The following MDGA2 variants were observed in gnomAD, a reference collection of about 807,000 sequenced individuals.
The protein encoded by MDGA2 is MAM domain-containing glycosylphosphatidylinositol anchor protein 2.
Under a neutral mutation model 117.8 loss-of-function variants are expected in MDGA2, and 40 were observed. The observed-to-expected ratio is 0.34, with a 90% CI of 0.26 to 0.44. The LOEUF (loss-of-function observed/expected upper bound fraction) is 0.44. Among genes scored for constraint, MDGA2 ranks in the 20% least tolerant of loss-of-function variants. The pLI is 1.00. For synonymous variants in MDGA2, 452 were observed against 439.0 expected, an observed-to-expected ratio of 1.03 and a Z score of -0.37; for missense variants, 1,123 against 1,250.6, an observed-to-expected ratio of 0.90 and a Z score of 1.54.
chr14:47,038,420 T>C (rs1334069290), intron 7 of MDGA2, among the ~76,000 whole-genome samples: 1 of 152,172 alleles, frequency 6.6e-6, no homozygotes, highest in African/African-American at 2.4e-5. Context: ...AATAGATTAT[T>C]GACTATAATT....
intron 2 of MDGA2, among the ~76,000 whole-genome samples, chr14:47,226,410 G>A (rs933058447): frequency 1.3e-5 from 2 of 151,888 alleles, no homozygotes; most frequent in East Asian, 1.9e-4. Context: ...ACACTAGATG[G>A]GCCTTAAAGC....
At chr14:47,330,614 T>C (rs1051383943) in intron 1 of MDGA2, among the ~76,000 whole-genome samples, 5 of 151,874 alleles carry the variant, frequency 3.3e-5, no homozygotes, top group Non-Finnish European at 7.4e-5. Context: ...GTATAACTTG[T>C]ATTCCCAAGT....
At chr14:46,930,409 C>T (rs999809795) in intron 9 of MDGA2, among the ~76,000 whole-genome samples, 1 of 151,622 alleles carries the variant, frequency 6.6e-6, no homozygotes, top group Non-Finnish European at 1.5e-5. Flanking sequence ...CTTTCATATA[C>T]CAACATCAGT....
intron 10 of MDGA2, among the ~76,000 whole-genome samples, chr14:46,904,527 T>A (rs1356954459): frequency 6.6e-6 from 1 of 152,202 alleles, no homozygotes; most frequent in African/African-American, 2.4e-5. Context: ...AGAGCTTTGA[T>A]AAGGCTAAGT....
At chr14:47,478,761 A>G (rs1210309906) in intron 1 of MDGA2, among the ~76,000 whole-genome samples, 1 of 152,198 alleles carries the variant, frequency 6.6e-6, no homozygotes, top group Non-Finnish European at 1.5e-5. Context: ...ACACATTGAG[A>G]AAAATCTCCT....
chr14:46,871,076 A>T (rs1199900845), intron 14 of MDGA2: 6 of 151,964 alleles, frequency 3.9e-5, no homozygotes, highest in African/African-American at 1.2e-4. Flanking sequence ...AAAAGGAAGA[A>T]TTAGAGTTGA....
At position 47,079,727 on chromosome 14, in the gene MDGA2, A is replaced by ATTTTTTTTTTTTTTTTTTTT. The variant is rs35801678; in HGVS notation, c.1195+17107_1195+17126dup. On this transcript the variant is annotated intron_variant, in intron 6 of 16. Coordinates refer to ENST00000399232, the MANE Select transcript of MDGA2 (RefSeq NM_001113498.3). ...ATTTGTTTCAGCCGATTTTCTACTAATTTTTTTTTTTTTTTTTTTTTTGAG... is the reference window on the plus strand; with the variant it reads ...ATTTGTTTCAGCCGATTTTCTACTAATTTTTTTTTTTTTTTTTTTTTTTTTTTTTTTTTTTTTTTTTTGAG... Among the ~76,000 whole-genome samples, 8 of 80,072 alleles carry ATTTTTTTTTTTTTTTTTTTT rather than the reference A, an allele frequency of 1.0e-4. 2 individuals carry two copies. The highest frequency in any genetic ancestry group is 1.5e-4 in the Non-Finnish European group (7 of 46,770). The allele number at this position is 80,072 out of a possible 152,430, so 52.5% of individuals were successfully genotyped here. A position where few individuals can be genotyped will look rare whatever the true frequency, so the allele number is the denominator to read the frequency against.
chr14:47,458,657 T>C (rs553246070), intron 1 of MDGA2, among the ~76,000 whole-genome samples: 1 of 152,246 alleles, frequency 6.6e-6, no homozygotes, highest in African/African-American at 2.4e-5. Context: ...ATCCTAAGTG[T>C]TGTCAGCACA....
At chr14:47,335,745 T>TATATATATATATATATATAC in intron 1 of MDGA2, among the ~76,000 whole-genome samples, 20 of 95,580 alleles carry the variant, frequency 2.1e-4, no homozygotes, top group South Asian at 1.5e-3. Flanking sequence ...TATATATATA[T>TATATATATATATATATATAC]ATACATACAT....
intron 1 of MDGA2, among the ~76,000 whole-genome samples, chr14:47,328,568 T>A (rs1890207448): frequency 6.6e-6 from 1 of 152,178 alleles, no homozygotes; most frequent in Non-Finnish European, 1.5e-5. Flanking sequence ...CAGCCTGTAC[T>A]CTTGGAACTA....
chr14:47,674,170 G>A (rs1898129743), intron 1 of MDGA2, among the ~76,000 whole-genome samples: 1 of 152,168 alleles, frequency 6.6e-6, no homozygotes, highest in Admixed American at 6.5e-5. Context: ...GGGAAACCGT[G>A]ACACCGACAC....
At chr14:47,311,571 T>C (rs1044192509) in intron 1 of MDGA2, among the ~76,000 whole-genome samples, 5 of 152,158 alleles carry the variant, frequency 3.3e-5, no homozygotes, top group Non-Finnish European at 7.3e-5. Context: ...TCTTTTCTCC[T>C]TCTACAAAAG....
intron 3 of MDGA2, among the ~76,000 whole-genome samples, chr14:47,177,326 A>C (rs1476854863): frequency 6.6e-6 from 1 of 152,222 alleles, no homozygotes; most frequent in Non-Finnish European, 1.5e-5. Context: ...ATTATAAATC[A>C]TGCTGCTATA....
intron 1 of MDGA2, among the ~76,000 whole-genome samples, chr14:47,538,382 C>T (rs1018590832): frequency 7.9e-5 from 12 of 152,192 alleles, no homozygotes; most frequent in South Asian, 2.1e-4. Context: ...TCTAAAAAGT[C>T]GACTTCATTA....
chr14:47,301,401 C>A lies in MDGA2; in HGVS notation c.420+10G>T. The A allele has an allele frequency of 6.4e-7, 1 of 1,551,342 alleles. No individual in the cohort carries two copies. The highest frequency in any genetic ancestry group is 1.4e-5 in the African/African-American group (1 of 73,086). ...GAATGTTTTCTCCAGTGTCACAGTT[C>A]GGGACTCACCTGTGGACGTGGATGT... On this transcript the variant is annotated intron_variant, in intron 2 of 16. Transcript: ENST00000399232.
chr14:47,273,073 C>G (rs1340951319), intron 2 of MDGA2, among the ~76,000 whole-genome samples: 1 of 152,086 alleles, frequency 6.6e-6, no homozygotes, highest in African/African-American at 2.4e-5. Flanking sequence ...CTTTTTAGTC[C>G]CTGATAAGCA....
At position 46,848,952 on chromosome 14, in the gene MDGA2, G is replaced by T. The variant is rs556707517; in HGVS notation, c.2884-3081C>A. 4.6e-5 allele frequency among the ~76,000 whole-genome samples: 7 copies of T among 151,998 alleles called. No individual in the cohort carries two copies. In the South Asian group the frequency reaches 1.2e-3, roughly 27 times the overall value. The stretch of plus-strand genomic sequence containing the variant: ...TTGGTGATACCGAATGAATGAAGTG[G>T]TACAGTAAAAAAAGTAGGCTGATTT... On this transcript the variant is annotated intron_variant, in intron 15 of 16. Transcript: ENST00000399232.
intron 3 of MDGA2, among the ~76,000 whole-genome samples, chr14:47,177,337 A>C (rs1181685365): frequency 6.6e-6 from 1 of 152,184 alleles, no homozygotes; most frequent in African/African-American, 2.4e-5. Flanking sequence ...TGCTGCTATA[A>C]AGACACATGC....
At chr14:47,561,163 G>GTTTTTTTTTTTTTTTTTTTTTTTT (rs1309865250) in intron 1 of MDGA2, among the ~76,000 whole-genome samples, 8 of 83,862 alleles carry the variant, frequency 9.5e-5, no homozygotes, top group Non-Finnish European at 1.4e-4. Context: ...GTTTTGTTTT[G>GTTTTTTTTTTTTTTTTTTTTTTTT]TTTTTTTGTT....
Sources: allele counts gnomAD v4.1 joint callset (sites outside exome capture counted in the v4.1 genomes callset), GRCh38; gene constraint gnomAD v4.1.1; transcripts MANE v1.5; gene names NCBI Gene and HGNC (gene_info 2026-07-23, HGNC 2026-07-21).